Variants in VAMP7 observed in about 807,000 individuals in gnomAD.
VAMP7 encodes vesicle-associated membrane protein 7.
Under a neutral mutation model 29.6 loss-of-function variants are expected in VAMP7, and 14 were observed. The ratio of observed to expected loss-of-function variants is 0.47; its 90% CI spans 0.31 to 0.74. The LOEUF is 0.74. Ranked by LOEUF, VAMP7 falls within the 30% of genes least tolerant of loss-of-function variation. The pLI, the probability that VAMP7 is intolerant of heterozygous loss-of-function variation, is 0.05. For missense variants in VAMP7, 223 were observed against 262.4 expected (o/e 0.85, Z 1.04); for synonymous variants, 95 against 88.1 (o/e 1.08, Z -0.44).
chrX:155,920,005 AT>A, intron 6 of VAMP7, 125 bp downstream of exon 6: 1 of 744,508 alleles, frequency 1.3e-6, no homozygotes, highest in Non-Finnish European at 2.2e-6. Flanking sequence ...TCTCATTTCC[AT>A]TATGTGATTA....
intron 4 of VAMP7, 131 bp from the exon 5 acceptor site, chrX:155,900,366 C>A: frequency 1.5e-6 from 1 of 682,500 alleles, no homozygotes; most frequent in Non-Finnish European, 2.4e-6. Context: ...AGTGAAGTGA[C>A]ATGTATCTTT....
At chrX:155,917,997 T>C (rs964857732) in intron 5 of VAMP7, among the ~76,000 whole-genome samples, 3 of 152,118 alleles carry the variant, frequency 2.0e-5, no homozygotes, top group Non-Finnish European at 4.4e-5. Flanking sequence ...CTTTCAGAGA[T>C]GCGCTGCCCA....
At chrX:155,918,342 G>A (rs1482774474) in intron 5 of VAMP7, among the ~76,000 whole-genome samples, 7 of 151,908 alleles carry the variant, frequency 4.6e-5, no homozygotes, top group Non-Finnish European at 7.4e-5. Flanking sequence ...CATTCCAGGC[G>A]CCACTGGGGT....
At chrX:155,882,277 C>G (rs1448402074) in intron 1 of VAMP7, among the ~76,000 whole-genome samples, 3 of 152,130 alleles carry the variant, frequency 2.0e-5, no homozygotes, top group African/African-American at 7.2e-5. Context: ...CAGCTGTAAA[C>G]AAGACTTAGG....
intron 1 of VAMP7, among the ~76,000 whole-genome samples, chrX:155,888,233 T>C (rs2065888180): frequency 6.6e-6 from 1 of 152,164 alleles, no homozygotes; most frequent in Non-Finnish European, 1.5e-5. Context: ...ATCTGCACAT[T>C]CCTTGATCTC....
intron 3 of VAMP7, among the ~76,000 whole-genome samples, chrX:155,896,882 A>C (rs1362601988): frequency 1.3e-5 from 2 of 151,984 alleles, no homozygotes; most frequent in Non-Finnish European, 2.9e-5. Context: ...TTCTTTTTTT[A>C]ATTTTCCTTT....
intron 1 of VAMP7, among the ~76,000 whole-genome samples, chrX:155,882,396 G>A (rs1232298163): frequency 1.3e-5 from 2 of 152,182 alleles, no homozygotes; most frequent in Non-Finnish European, 2.9e-5. Context: ...TGGTTGACTT[G>A]AAAGGATGGG....
intron 6 of VAMP7, among the ~76,000 whole-genome samples, chrX:155,937,825 T>C (rs2066684454): frequency 6.6e-6 from 1 of 152,182 alleles, no homozygotes; most frequent in Non-Finnish European, 1.5e-5. Flanking sequence ...TAAGCACATG[T>C]TAAATATCTG....
rs1207478975 is a variant in VAMP7, at chrX:155,942,276, T to C, written c.*325T>C. The stretch of plus-strand genomic sequence containing the variant: ...CTCAAAGCTGTCGCCGCTAGTCTTA[T>C]GAGCTATCTACTAAAACTATGGAGA... On this transcript the variant is annotated 3_prime_UTR_variant, in exon 8 of 8. Transcript: ENST00000286448. 2.7e-6 allele frequency: 3 copies of C among 1,098,252 alleles called. No homozygotes were observed. Among genetic ancestry groups the C allele is most frequent in the African/African-American group, 3.2e-5 (2 of 62,894 alleles). The allele number at this position is 1,098,252 out of a possible 1,614,324, so 68.0% of individuals were successfully genotyped here.
intron 5 of VAMP7, among the ~76,000 whole-genome samples, chrX:155,919,017 T>TCA (rs2066355954): frequency 6.6e-6 from 1 of 152,226 alleles, no homozygotes; most frequent in South Asian, 2.1e-4. Flanking sequence ...TCTGTGATCA[T>TCA]CAGGGTTGTT....
At position 155,919,877 on chromosome X, in the gene VAMP7, T is replaced by G. The variant is rs1336206221; in HGVS notation, c.498T>G (p.Asp166Glu). The G allele has an allele frequency of 1.2e-6, 2 of 1,611,632 alleles. No individual in the cohort carries two copies. The highest frequency in any genetic ancestry group is 1.7e-6 in the Non-Finnish European group (2 of 1,178,320). The change falls in exon 6 of 8, where the codon GAT becomes GAG. Residue 166 changes from aspartate to glutamate, a missense_variant. By Grantham distance (45) the Asp-to-Glu change is conservative. Coordinates refer to ENST00000286448, the MANE Select transcript of VAMP7 (RefSeq NM_005638.6). ...TTGACAAAACAGAAAATCTTGTGGA[T>G]TCTGTAAGTATGGAATCTGATAATA... is the stretch of plus-strand genomic sequence containing the variant. ...LLIDKTENLVDSSVTFKTTSR... is the reference protein window; with the variant it reads ...LLIDKTENLVESSVTFKTTSR...
intron 3 of VAMP7, among the ~76,000 whole-genome samples, chrX:155,896,482 C>T (rs962869406): frequency 2.0e-5 from 3 of 152,046 alleles, no homozygotes; most frequent in Admixed American, 2.0e-4. Flanking sequence ...GACTGTTTGT[C>T]GGCTCTCAGC....
At chrX:155,888,352 A>C (rs193050188) in intron 1 of VAMP7, among the ~76,000 whole-genome samples, 4 of 152,342 alleles carry the variant, frequency 2.6e-5, no homozygotes, top group African/African-American at 9.6e-5. Context: ...CCTCAGGCCT[A>C]CGGAATCAGA....
At chrX:155,889,845 T>G (rs1424880451) in intron 2 of VAMP7, among the ~76,000 whole-genome samples, 2 of 151,092 alleles carry the variant, frequency 1.3e-5, no homozygotes, top group African/African-American at 4.9e-5. Context: ...AGATGAAATG[T>G]TAAATGTAAA....
chrX:155,919,743 T>A, intron 5 of VAMP7, 70 bp from the exon 6 acceptor site: 1 of 1,408,828 alleles, frequency 7.1e-7, no homozygotes, highest in Non-Finnish European at 1.0e-6. Flanking sequence ...GTTATATTAC[T>A]TTTTTAAAAA....
intron 5 of VAMP7, among the ~76,000 whole-genome samples, chrX:155,911,266 G>A (rs1414330739): frequency 6.6e-6 from 1 of 152,046 alleles, no homozygotes; most frequent in Non-Finnish European, 1.5e-5. Flanking sequence ...CTGTACATAC[G>A]TGGATCAATG....
chrX:155,908,499 G>A (rs1437803905), intron 5 of VAMP7, among the ~76,000 whole-genome samples: 1 of 152,108 alleles, frequency 6.6e-6, no homozygotes, highest in African/African-American at 2.4e-5. Context: ...GTACAGTCCA[G>A]CTTCGGCTGG....
chrX:155,894,671 A>T (rs189011935), intron 2 of VAMP7, among the ~76,000 whole-genome samples: 2 of 152,170 alleles, frequency 1.3e-5, no homozygotes, highest in East Asian at 3.9e-4. Flanking sequence ...GCTGGAGTGC[A>T]GTGGCGCAAT....
chrX:155,883,601 G>C (rs1468157938), intron 1 of VAMP7, among the ~76,000 whole-genome samples: 12 of 151,756 alleles, frequency 7.9e-5, no homozygotes, highest in Non-Finnish European at 1.6e-4. Flanking sequence ...CTATCACCAT[G>C]TGCTATGTAA....
Sources: gnomAD v4.1 joint callset for allele counts (sites outside exome capture counted in the v4.1 genomes callset) on GRCh38, gnomAD v4.1.1 for gene constraint, MANE v1.5 for transcripts, NCBI Gene and HGNC (gene_info 2026-07-23, HGNC 2026-07-21) for gene names.